The following UBE2QL1 variants were observed in gnomAD, a reference collection of about 807,000 sequenced individuals.
The protein encoded by UBE2QL1 is ubiquitin conjugating enzyme E2 QL1.
Under a neutral mutation model 12.6 loss-of-function variants are expected in UBE2QL1, and 5 were observed. The observed-to-expected ratio is 0.40, with a 90% CI of 0.21 to 0.83. The LOEUF (loss-of-function observed/expected upper bound fraction) is 0.83. UBE2QL1 is among the 40% of genes least tolerant of loss of function. The pLI, the probability that UBE2QL1 is intolerant of heterozygous loss-of-function variation, is 0.37. For missense variants in UBE2QL1, 99 were observed against 222.6 expected (o/e 0.44, Z 3.53); for synonymous variants, 96 against 94.5 (o/e 1.02, Z -0.10).
At chr5:6,482,141 T>C (rs1734375182) in intron 1 of UBE2QL1, among the ~76,000 whole-genome samples, 1 of 152,122 alleles carries the variant, frequency 6.6e-6, no homozygotes, top group African/African-American at 2.4e-5. Flanking sequence ...GAGGCAGAGA[T>C]TAGAGCGCTG....
intron 1 of UBE2QL1, among the ~76,000 whole-genome samples, chr5:6,451,843 C>T (rs938494504): frequency 1.3e-5 from 2 of 152,114 alleles, no homozygotes; most frequent in African/African-American, 4.8e-5. Flanking sequence ...TTGTTCAGAG[C>T]ACATATGGTA....
intron 1 of UBE2QL1, among the ~76,000 whole-genome samples, chr5:6,452,739 A>G (rs1047790086): frequency 3.3e-5 from 5 of 152,230 alleles, no homozygotes; most frequent in African/African-American, 1.2e-4. Context: ...ACAAAGTAGC[A>G]TCAGCATTGG....
rs1459714512 is a variant in UBE2QL1, at chr5:6,476,981, T to C, written c.355-14237T>C. Among the ~76,000 whole-genome samples the C allele has an allele frequency of 6.6e-6, 1 of 152,110 alleles. No homozygotes were observed. The highest frequency in any genetic ancestry group is 1.5e-5 in the Non-Finnish European group (1 of 68,024). ...CCCATCCTCCCCAGGATGGCCCACA[T>C]GGAAGCCCACAGACCACCAGCCCAC... On this transcript the variant is annotated intron_variant, in intron 1 of 1. Transcript: ENST00000399816. This position sits in a 1 kb window ranked among gnomAD's most constrained non-coding sequence, Gnocchi z 4.9.
chr5:6,449,303 C>T (rs1214160643), intron 1 of UBE2QL1, 56 bp downstream of exon 1: 8 of 1,299,482 alleles, frequency 6.2e-6, no homozygotes, highest in African/African-American at 1.6e-5. Flanking sequence ...TCTGCAGCGC[C>T]GCCGGGCGCC....
At chr5:6,475,420 CACTG>C (rs2307592) in intron 1 of UBE2QL1, among the ~76,000 whole-genome samples, 111,345 of 151,942 alleles carry the variant, frequency 0.73, 44,986 homozygotes, top group East Asian at 0.91. Context: ...GCTTTGTCTA[CACTG>C]ACTAAGCTAT....
chr5:6,451,087 T>C (rs1048791120), intron 1 of UBE2QL1, among the ~76,000 whole-genome samples: 4 of 152,242 alleles, frequency 2.6e-5, no homozygotes, highest in Non-Finnish European at 5.9e-5. Context: ...TTCTTCGCAA[T>C]GAAGATGACA....
intron 1 of UBE2QL1, among the ~76,000 whole-genome samples, chr5:6,468,642 T>C (rs1233074468): frequency 7.2e-5 from 11 of 152,254 alleles, no homozygotes; most frequent in Admixed American, 7.2e-4. Context: ...ACCATTTTCA[T>C]CATTTTAAAT....
chr5:6,458,256 G>T (rs938139105), intron 1 of UBE2QL1, among the ~76,000 whole-genome samples: 2 of 152,200 alleles, frequency 1.3e-5, no homozygotes, highest in African/African-American at 4.8e-5. Context: ...CGAGGTGTTT[G>T]ACTGAGTTCT....
chr5:6,455,269 C>T (rs1347951143), intron 1 of UBE2QL1, among the ~76,000 whole-genome samples: 1 of 152,122 alleles, frequency 6.6e-6, no homozygotes, highest in South Asian at 2.1e-4. Context: ...TCAGTGTCTC[C>T]CTTCTCATCG....
chr5:6,477,856 C>T (rs941224705), intron 1 of UBE2QL1, among the ~76,000 whole-genome samples: 2 of 152,184 alleles, frequency 1.3e-5, no homozygotes, highest in Non-Finnish European at 2.9e-5. Flanking sequence ...TATCCCATAT[C>T]GCACAAGTTG....
rs541795634 is a variant in UBE2QL1, at chr5:6,495,522, C to T, written c.*4173C>T. Among the ~76,000 whole-genome samples, 3 of 152,266 alleles carry T rather than the reference C, an allele frequency of 2.0e-5. No individual in the cohort carries two copies. In the South Asian group the frequency reaches 6.2e-4, roughly 32 times the overall value. ...CACTGCCTTACTGTGGCTTTCTGAT[C>T]CTTTATGTTGCTTCATGAGACTATT... On this transcript the variant is annotated 3_prime_UTR_variant, in exon 2 of 2. Transcript: ENST00000399816.
chr5:6,462,850 C>G (rs1189813016), intron 1 of UBE2QL1, among the ~76,000 whole-genome samples: 1 of 152,176 alleles, frequency 6.6e-6, no homozygotes. Context: ...TCTGACATTT[C>G]CGGCTTCTGA....
chr5:6,449,379 A>G, intron 1 of UBE2QL1, 132 bp downstream of exon 1: 1 of 874,818 alleles, frequency 1.1e-6, no homozygotes. Flanking sequence ...TGACTACACC[A>G]GCGCCCCACG....
chr5:6,462,734 G>T (rs1020403843), intron 1 of UBE2QL1, among the ~76,000 whole-genome samples: 3 of 152,262 alleles, frequency 2.0e-5, no homozygotes, highest in African/African-American at 7.2e-5. Context: ...AAATCCCTGT[G>T]GGACTTTCCC....
intron 1 of UBE2QL1, among the ~76,000 whole-genome samples, chr5:6,453,420 G>A (rs556409022): frequency 3.3e-5 from 5 of 152,306 alleles, no homozygotes; most frequent in African/African-American, 9.6e-5. Flanking sequence ...GAGAAGAGCT[G>A]CTCAGCCAGC....
chr5:6,483,492 T>C (rs73038156), intron 1 of UBE2QL1, among the ~76,000 whole-genome samples: 2,334 of 150,858 alleles, frequency 0.015, 42 homozygotes, highest in African/African-American at 0.051. Context: ...ACGGCAGGTG[T>C]GTTTGGAGTG....
At chr5:6,489,747 C>G (rs1039478987) in intron 1 of UBE2QL1, among the ~76,000 whole-genome samples, 1 of 152,228 alleles carries the variant, frequency 6.6e-6, no homozygotes. Flanking sequence ...AGTGAGTTAT[C>G]AGAGAGCCAG....
At chr5:6,470,342 A>G (rs1739885228) in intron 1 of UBE2QL1, among the ~76,000 whole-genome samples, 1 of 152,226 alleles carries the variant, frequency 6.6e-6, no homozygotes, top group Non-Finnish European at 1.5e-5. Context: ...GGATTACGTG[A>G]CTGTGTGCAG....
chr5:6,463,601 A>ATTATTC (rs1739720565), intron 1 of UBE2QL1, among the ~76,000 whole-genome samples: 1 of 95,694 alleles, frequency 1.0e-5, no homozygotes, highest in Non-Finnish European at 1.9e-5. Context: ...TTGTGCTGTT[A>ATTATTC]TTATTATTAT....
Sources: gnomAD v4.1 joint callset for allele counts (sites outside exome capture counted in the v4.1 genomes callset) on GRCh38, gnomAD v4.1.1 for gene constraint, Gnocchi (gnomAD v3.1) non-coding constraint, MANE v1.5 for transcripts, NCBI Gene and HGNC (gene_info 2026-07-23, HGNC 2026-07-21) for gene names.